Variants in HPSE2 observed in about 807,000 individuals in gnomAD.
HPSE2 encodes heparanase 2 (inactive), also known as inactive heparanase-2.
A neutral mutation model predicts 60.5 loss-of-function variants in HPSE2; 38 were observed. That is an observed-to-expected ratio of 0.63 (90% CI 0.48 to 0.82). The LOEUF is 0.82. Ranked by LOEUF, HPSE2 falls within the 40% of genes least tolerant of loss-of-function variation. The probability of loss-of-function intolerance (pLI) is 0.00; values close to 1 mark genes in which losing one functional copy is unlikely to be tolerated. For synonymous variants in HPSE2, 295 were observed against 293.2 expected, an observed-to-expected ratio of 1.01 and a Z score of -0.06; for missense variants, 713 against 740.4, an observed-to-expected ratio of 0.96 and a Z score of 0.43.
At chr10:99,305,975 GCGCGCA>G in the HPSE2 span, among the ~76,000 whole-genome samples, 1 of 48,122 alleles carries the variant, frequency 2.1e-5, no homozygotes, top group Admixed American at 2.1e-4. Flanking sequence ...GCGCGCGCGC[GCGCGCA>G]CACACACACA....
intron 3 of HPSE2, among the ~76,000 whole-genome samples, chr10:98,773,398 A>G (rs1411343855): frequency 6.6e-6 from 1 of 152,104 alleles, no homozygotes; most frequent in Non-Finnish European, 1.5e-5. Flanking sequence ...AAATATAACT[A>G]CCCAATTAAA....
intron 3 of HPSE2, among the ~76,000 whole-genome samples, chr10:98,760,349 T>A (rs940772724): frequency 1.3e-5 from 2 of 152,152 alleles, no homozygotes. Flanking sequence ...TGAATATAAG[T>A]GATAAGAATG....
the HPSE2 span, among the ~76,000 whole-genome samples, chr10:99,260,033 T>C: frequency 6.6e-6 from 1 of 152,268 alleles, no homozygotes; most frequent in Admixed American, 6.5e-5. Flanking sequence ...GGACTGCTGC[T>C]CTAGGAATTG....
chr10:99,078,143 C>T (rs1227861662), intron 3 of HPSE2, among the ~76,000 whole-genome samples: 1 of 152,190 alleles, frequency 6.6e-6, no homozygotes, highest in African/African-American at 2.4e-5. Flanking sequence ...GTACAGCCCA[C>T]AAAACCATGA....
intron 3 of HPSE2, among the ~76,000 whole-genome samples, chr10:98,956,407 A>T (rs1337738581): frequency 2.0e-5 from 3 of 152,200 alleles, no homozygotes; most frequent in African/African-American, 7.2e-5. Flanking sequence ...TATACAAACT[A>T]ACCTAAAATA....
chr10:98,943,764 C>T (rs1676855770), intron 3 of HPSE2, among the ~76,000 whole-genome samples: 1 of 152,170 alleles, frequency 6.6e-6, no homozygotes, highest in Admixed American at 6.5e-5. Context: ...TAGATAGGAA[C>T]TGAGGACTGT....
chr10:98,706,043 T>C (rs564786247), intron 5 of HPSE2, among the ~76,000 whole-genome samples: 1 of 152,218 alleles, frequency 6.6e-6, no homozygotes, highest in Admixed American at 6.5e-5. Context: ...GTTTCTTATA[T>C]GTATAGCTTC....
intron 3 of HPSE2, among the ~76,000 whole-genome samples, chr10:98,993,177 A>G (rs1259203336): frequency 2.6e-5 from 4 of 152,250 alleles, no homozygotes; most frequent in African/African-American, 7.2e-5. Context: ...GCAGGGAGTA[A>G]CTATTTGCCT....
rs544692362 is a variant in HPSE2 at position 98,709,965 on chromosome 10, T to C, written c.956+11692A>G. On this transcript the variant is annotated intron_variant, in intron 5 of 11. Coordinates refer to ENST00000370552, the MANE Select transcript of HPSE2 (RefSeq NM_021828.5). The stretch of plus-strand genomic sequence containing the variant: ...CTGAGTACATACTTTAATAAGAGCA[T>C]AGTAGCCTGATCTTTCCTGTCCACA... Among the ~76,000 whole-genome samples the C allele has an allele frequency of 2.0e-5, 3 of 152,332 alleles. No homozygotes were observed. In the East Asian group the frequency reaches 5.8e-4, roughly 29 times the overall value.
In HPSE2 at chr10:98,543,307, G is replaced by C. The variant is rs183509660; in HGVS notation, c.1321-53111C>G. 7.5e-3 allele frequency among the ~76,000 whole-genome samples: 1,141 copies of C among 152,132 alleles called. 6 individuals are homozygous for C. Among genetic ancestry groups the C allele is most frequent in the Non-Finnish European group, 0.013 (857 of 67,998 alleles). ...AGAGTTTGTCACCACCAGGCCTGCC[G>C]TAAAAGAGCTCCCGAAGGAAGTGCT... On this transcript the variant is annotated intron_variant, in intron 9 of 11. Coordinates refer to ENST00000370552, the MANE Select transcript of HPSE2 (RefSeq NM_021828.5).
At chr10:98,466,388 C>T (rs867907418) in intron 11 of HPSE2, among the ~76,000 whole-genome samples, 16 of 152,024 alleles carry the variant, frequency 1.1e-4, no homozygotes, top group South Asian at 1.0e-3. Flanking sequence ...CCGAGGCAGG[C>T]GGATCACAAA....
At chr10:98,714,664 G>A (rs746214649) in intron 5 of HPSE2, among the ~76,000 whole-genome samples, 25 of 151,688 alleles carry the variant, frequency 1.6e-4, no homozygotes, top group African/African-American at 2.4e-4. Flanking sequence ...GAATATTTGC[G>A]TACAAGTTTT....
rs532838007 is a variant in HPSE2 at position 99,185,503 on chromosome 10, A to C, written c.449-41104T>G. 2.6e-5 allele frequency among the ~76,000 whole-genome samples: 4 copies of C among 152,246 alleles called. No homozygotes were observed. In the East Asian group the frequency reaches 5.8e-4, roughly 22 times the overall value. On this transcript the variant is annotated intron_variant, in intron 2 of 11. Coordinates refer to ENST00000370552, the MANE Select transcript of HPSE2 (RefSeq NM_021828.5). ...AAATAGAAGTGGGGCTGCCAGGTGC[A>C]GTGGCTCATGCCTGTAATTCCAGCA... is the stretch of plus-strand genomic sequence containing the variant.
chr10:98,630,111 TC>T (rs1452654116), intron 7 of HPSE2, among the ~76,000 whole-genome samples: 2 of 151,200 alleles, frequency 1.3e-5, no homozygotes, highest in African/African-American at 4.9e-5. Context: ...CCCCCATTGC[TC>T]CCCTGTGGGA....
chr10:99,267,390 C>T, the HPSE2 span, among the ~76,000 whole-genome samples: 2 of 151,912 alleles, frequency 1.3e-5, no homozygotes, highest in Non-Finnish European at 2.9e-5. Context: ...AACTTCAGAG[C>T]TCAAAGATAA....
In HPSE2 at chr10:98,482,668, C is replaced by G; in HGVS notation, c.1581G>C (p.Leu527=). The G allele has an allele frequency of 6.2e-7, 1 of 1,614,178 alleles. No homozygotes were observed. The highest frequency in any genetic ancestry group is 8.5e-7 in the Non-Finnish European group (1 of 1,180,030). The change falls in exon 11 of 12, where the codon CTG becomes CTC. Residue 527 remains leucine, a synonymous_variant. Coordinates refer to ENST00000370552, the MANE Select transcript of HPSE2 (RefSeq NM_021828.5). Reference sequence around the variant, plus strand: ...TTAGGCCCTCCTGCCCATAGGGCTGCAGCAGGTACTGGTGAACCAGCTTGT... The same window carrying G: ...TTAGGCCCTCCTGCCCATAGGGCTGGAGCAGGTACTGGTGAACCAGCTTGT... ...LRDKLVHQYL[L]QPYGQEGLKS... is the part of the protein sequence containing the mutation.
intron 3 of HPSE2, among the ~76,000 whole-genome samples, chr10:99,142,060 G>A (rs533573881): frequency 3.9e-5 from 6 of 152,204 alleles, no homozygotes; most frequent in African/African-American, 9.6e-5. Flanking sequence ...CATTGTGTTC[G>A]CACATAAATA....
intron 2 of HPSE2, among the ~76,000 whole-genome samples, chr10:99,224,450 CACAT>C (rs1432355487): frequency 9.2e-5 from 14 of 151,670 alleles, no homozygotes; most frequent in South Asian, 2.1e-4. Flanking sequence ...CACACACACA[CACAT>C]AGCTCAGAGT....
chr10:99,294,425 TATATAATATATAC>T, the HPSE2 span, among the ~76,000 whole-genome samples: 6 of 145,778 alleles, frequency 4.1e-5, no homozygotes, highest in Non-Finnish European at 1.5e-5. Context: ...ATACATATAA[TATATAATATATAC>T]ATATAATATA....
Sources: allele counts gnomAD v4.1 joint callset (sites outside exome capture counted in the v4.1 genomes callset), GRCh38; gene constraint gnomAD v4.1.1; transcripts MANE v1.5; gene names NCBI Gene and HGNC (gene_info 2026-07-23, HGNC 2026-07-21).